Variants in SAMD5 observed in about 807,000 individuals in gnomAD.
SAMD5 encodes the protein sterile alpha motif domain-containing protein 5.
SAMD5 carries 13 observed loss-of-function variants against 11.3 expected under a neutral mutation model. That is an observed-to-expected ratio of 1.15 (90% CI 0.75 to 1.83). SAMD5 has a LOEUF of 1.83. SAMD5 is among the 40% of genes most tolerant of loss of function. The pLI is 0.00. For missense variants in SAMD5, 255 were observed against 239.1 expected (o/e 1.07, Z -0.44); for synonymous variants, 129 against 111.3 (o/e 1.16, Z -1.00).
chr6:147,676,401 C>A (rs560973605), intron 1 of SAMD5, among the ~76,000 whole-genome samples: 15 of 152,090 alleles, frequency 9.9e-5, no homozygotes, highest in Non-Finnish European at 2.1e-4. Flanking sequence ...CTTTCTTAGA[C>A]CACCTAATTT....
intron 1 of SAMD5, among the ~76,000 whole-genome samples, chr6:147,525,089 T>C (rs1788316366): frequency 6.6e-6 from 1 of 151,890 alleles, no homozygotes; most frequent in African/African-American, 2.4e-5. Flanking sequence ...CAACTGTCTG[T>C]TTCTCTGTTG....
At chr6:147,603,744 G>A (rs1486295931) in intron 1 of SAMD5, among the ~76,000 whole-genome samples, 1 of 151,750 alleles carries the variant, frequency 6.6e-6, no homozygotes, top group Non-Finnish European at 1.5e-5. Context: ...TTGACATTTG[G>A]CATATTTATG....
At chr6:147,793,918 T>C in the SAMD5 span, among the ~76,000 whole-genome samples, 1 of 152,178 alleles carries the variant, frequency 6.6e-6, no homozygotes, top group Non-Finnish European at 1.5e-5. Flanking sequence ...ATATAAATTT[T>C]AGAGTCAGTT....
intron 1 of SAMD5, among the ~76,000 whole-genome samples, chr6:147,735,558 G>A (rs1791787778): frequency 6.6e-6 from 1 of 152,124 alleles, no homozygotes; most frequent in Non-Finnish European, 1.5e-5. Flanking sequence ...AACTAAATGT[G>A]CTAAATGTAA....
chr6:147,585,228 G>A (rs1213130385), intron 1 of SAMD5, among the ~76,000 whole-genome samples: 2 of 152,226 alleles, frequency 1.3e-5, no homozygotes, highest in Non-Finnish European at 2.9e-5. Context: ...GGGTGGAAGC[G>A]AGTGGAGGAT....
At chr6:147,653,575 G>T (rs1790522997) in intron 1 of SAMD5, among the ~76,000 whole-genome samples, 1 of 152,074 alleles carries the variant, frequency 6.6e-6, no homozygotes. Context: ...AGAAAGATCT[G>T]GTAAAATGGA....
the SAMD5 span, among the ~76,000 whole-genome samples, chr6:147,877,306 C>T: frequency 6.6e-6 from 1 of 151,932 alleles, no homozygotes; most frequent in Non-Finnish European, 1.5e-5. Flanking sequence ...AAAATGAAAT[C>T]CTGTAATCAA....
intron 1 of SAMD5, among the ~76,000 whole-genome samples, chr6:147,665,374 T>C (rs1022144791): frequency 4.1e-4 from 63 of 152,306 alleles, no homozygotes; most frequent in Non-Finnish European, 8.2e-4. Context: ...CTACATGGTA[T>C]GATGGTAGAT....
At chr6:147,941,490 A>G in the SAMD5 span, among the ~76,000 whole-genome samples, 1 of 152,220 alleles carries the variant, frequency 6.6e-6, no homozygotes, top group African/African-American at 2.4e-5. Flanking sequence ...GAGGCTTTCA[A>G]CTGCTTACAT....
intron 1 of SAMD5, among the ~76,000 whole-genome samples, chr6:147,511,281 G>T (rs1296508057): frequency 6.6e-6 from 1 of 152,190 alleles, no homozygotes; most frequent in Non-Finnish European, 1.5e-5. Flanking sequence ...AAACATAGAG[G>T]CTGGAAAGGA....
the SAMD5 span, among the ~76,000 whole-genome samples, chr6:147,843,263 A>G: frequency 6.6e-6 from 1 of 152,228 alleles, no homozygotes; most frequent in Non-Finnish European, 1.5e-5. Flanking sequence ...ATTTTTCTGA[A>G]TACTTAGGAG....
the SAMD5 span, among the ~76,000 whole-genome samples, chr6:147,761,757 A>T: frequency 6.6e-6 from 1 of 152,216 alleles, no homozygotes; most frequent in Admixed American, 6.5e-5. Context: ...TCTGTAGCCC[A>T]GGCTGGAGTG....
the SAMD5 span, among the ~76,000 whole-genome samples, chr6:147,803,349 T>G: frequency 1.2e-3 from 176 of 152,326 alleles, no homozygotes; most frequent in African/African-American, 4.0e-3. Context: ...CTCTCTCGCC[T>G]CTGTCCTTTG....
At chr6:147,920,338 T>C in the SAMD5 span, among the ~76,000 whole-genome samples, 1 of 152,214 alleles carries the variant, frequency 6.6e-6, no homozygotes, top group South Asian at 2.1e-4. Context: ...CTCAAAGTTC[T>C]ATAGCTTTTG....
chr6:147,513,480 G>T (rs1422920992), intron 1 of SAMD5, among the ~76,000 whole-genome samples: 4 of 152,174 alleles, frequency 2.6e-5, no homozygotes, highest in Admixed American at 2.0e-4. Context: ...GTTTGGGCGA[G>T]AAAGATATTG....
chr6:147,927,065 A>C, the SAMD5 span, among the ~76,000 whole-genome samples: 1 of 152,192 alleles, frequency 6.6e-6, no homozygotes, highest in East Asian at 1.9e-4. Context: ...TGGTTACTGC[A>C]GTCCTGTAGT....
the SAMD5 span, among the ~76,000 whole-genome samples, chr6:147,820,660 T>G: frequency 6.6e-6 from 1 of 152,314 alleles, no homozygotes; most frequent in South Asian, 2.1e-4. Context: ...AAAACCAATT[T>G]CCATGTAATC....
At chr6:147,622,156 T>C (rs935892255) in intron 1 of SAMD5, among the ~76,000 whole-genome samples, 3 of 152,148 alleles carry the variant, frequency 2.0e-5, no homozygotes, top group African/African-American at 4.8e-5. Context: ...TGTGAGGAAT[T>C]GGTTCCAGGA....
downstream of SAMD5, among the ~76,000 whole-genome samples, chr6:147,741,274 T>C (rs1367466649): frequency 6.6e-6 from 1 of 152,112 alleles, no homozygotes; most frequent in Non-Finnish European, 1.5e-5. Context: ...CGTGCCAAGT[T>C]CCTGAAGCCG....
Sources: gnomAD v4.1 joint callset for allele counts (sites outside exome capture counted in the v4.1 genomes callset) on GRCh38, gnomAD v4.1.1 for gene constraint, MANE v1.5 for transcripts, NCBI Gene and HGNC (gene_info 2026-07-23, HGNC 2026-07-21) for gene names.